Variants in RPS6KA2 observed in about 807,000 individuals in gnomAD.
RPS6KA2 encodes ribosomal protein S6 kinase alpha-2.
A neutral mutation model predicts 91.8 loss-of-function variants in RPS6KA2; 42 were observed. The ratio of observed to expected loss-of-function variants is 0.46; its 90% CI spans 0.36 to 0.59. The LOEUF is 0.59. Ranked by LOEUF, RPS6KA2 falls within the 20% of genes least tolerant of loss-of-function variation. The pLI is 0.00. For missense variants in RPS6KA2, 798 were observed against 978.5 expected, an observed-to-expected ratio of 0.82 and a Z score of 2.46; for synonymous variants, 414 against 393.6, an observed-to-expected ratio of 1.05 and a Z score of -0.61.
chr6:166,716,326 G>C (rs1282859144), intron 2 of RPS6KA2, among the ~76,000 whole-genome samples: 1 of 152,094 alleles, frequency 6.6e-6, no homozygotes, highest in Non-Finnish European at 1.5e-5. Context: ...AAACAAATAG[G>C]ACGATGATTT....
intron 2 of RPS6KA2, among the ~76,000 whole-genome samples, chr6:166,775,798 G>A (rs941043759): frequency 4.6e-5 from 7 of 152,244 alleles, no homozygotes; most frequent in Non-Finnish European, 8.8e-5. Context: ...CCACATGCCT[G>A]AGCTCTGGGA....
At chr6:166,765,301 G>C in intron 2 of RPS6KA2, among the ~76,000 whole-genome samples, 1 of 152,264 alleles carries the variant, frequency 6.6e-6, no homozygotes, top group Middle Eastern at 3.4e-3. Context: ...CAGCAGGTGC[G>C]TCCAGCACAC....
At chr6:166,583,587 C>T (rs1445920411) in intron 1 of RPS6KA2, among the ~76,000 whole-genome samples, 3 of 152,302 alleles carry the variant, frequency 2.0e-5, no homozygotes, top group Middle Eastern at 3.4e-3. Flanking sequence ...AAAGGAGAGA[C>T]GCTCCTGATA....
intron 1 of RPS6KA2, among the ~76,000 whole-genome samples, chr6:166,601,310 C>G (rs1785721584): frequency 1.3e-5 from 2 of 152,230 alleles, no homozygotes; most frequent in Non-Finnish European, 2.9e-5. Context: ...ATCGACATAG[C>G]ACTCCATTGG....
At chr6:166,521,237 G>C (rs1263284630) in intron 3 of RPS6KA2, among the ~76,000 whole-genome samples, 1 of 152,242 alleles carries the variant, frequency 6.6e-6, no homozygotes, top group Non-Finnish European at 1.5e-5. Flanking sequence ...CAGAACCACT[G>C]TAGGGCCATC....
chr6:166,774,903 G>A (rs1282474252), intron 2 of RPS6KA2, among the ~76,000 whole-genome samples: 4 of 150,102 alleles, frequency 2.7e-5, no homozygotes, highest in Non-Finnish European at 5.9e-5. Flanking sequence ...TGCTTCAATA[G>A]CTCTGAGCTG....
chr6:166,469,743 G>T, intron 11 of RPS6KA2, 98 bp downstream of exon 11: 2 of 1,095,930 alleles, frequency 1.8e-6, no homozygotes, highest in South Asian at 2.5e-5. Flanking sequence ...ACCTACTTGT[G>T]ACCCGGACAC....
chr6:166,723,703 TC>T (rs1473352204), intron 2 of RPS6KA2, among the ~76,000 whole-genome samples: 2 of 149,320 alleles, frequency 1.3e-5, no homozygotes, highest in African/African-American at 5.1e-5. Flanking sequence ...TCTTTTCTTT[TC>T]TTTTTTTTTT....
intron 1 of RPS6KA2, among the ~76,000 whole-genome samples, chr6:166,621,487 G>A (rs1447202050): frequency 6.6e-6 from 1 of 152,180 alleles, no homozygotes. Context: ...CAGCCTATTT[G>A]TTGATAATTT....
intron 2 of RPS6KA2, among the ~76,000 whole-genome samples, chr6:166,647,879 GAC>G (rs3071065): frequency 0.02 from 1,301 of 66,100 alleles, 31 homozygotes; most frequent in African/African-American, 0.061. Context: ...TGCACATGCT[GAC>G]ACACATACAT....
chr6:166,769,840 G>T (rs761006932), intron 2 of RPS6KA2, among the ~76,000 whole-genome samples: 43 of 152,212 alleles, frequency 2.8e-4, no homozygotes, highest in Non-Finnish European at 5.3e-4. Flanking sequence ...GCATCCTTGT[G>T]CAGTGCCCTC....
intron 2 of RPS6KA2, among the ~76,000 whole-genome samples, chr6:166,782,467 C>T (rs1379793421): frequency 6.6e-6 from 1 of 152,062 alleles, no homozygotes; most frequent in Non-Finnish European, 1.5e-5. Context: ...GGAGACACAC[C>T]CATGCACCAG....
At chr6:166,582,782 T>C (rs1411267367) in intron 1 of RPS6KA2, among the ~76,000 whole-genome samples, 1 of 152,196 alleles carries the variant, frequency 6.6e-6, no homozygotes, top group Non-Finnish European at 1.5e-5. Context: ...TATGTAAGAA[T>C]TGCTATTATG....
intron 3 of RPS6KA2, among the ~76,000 whole-genome samples, chr6:166,527,117 G>T (rs3799652): frequency 2.5e-4 from 38 of 152,186 alleles, no homozygotes; most frequent in Admixed American, 2.4e-3. Context: ...CAGCCCTGAG[G>T]GAGTCCAGGC....
intron 2 of RPS6KA2, among the ~76,000 whole-genome samples, chr6:166,680,605 G>A (rs1788769591): frequency 6.6e-6 from 1 of 152,136 alleles, no homozygotes; most frequent in South Asian, 2.1e-4. Context: ...CGCCAGGAGG[G>A]ACGAACAACT....
intron 2 of RPS6KA2, among the ~76,000 whole-genome samples, chr6:166,761,319 A>C (rs1215093368): frequency 6.6e-6 from 1 of 152,252 alleles, no homozygotes; most frequent in African/African-American, 2.4e-5. Context: ...TGCTGGGATT[A>C]CAGGCATGAG....
At chr6:166,447,520 C>G (rs1325118333) in intron 14 of RPS6KA2, among the ~76,000 whole-genome samples, 1 of 152,266 alleles carries the variant, frequency 6.6e-6, no homozygotes, top group African/African-American at 2.4e-5. Context: ...GACAGCAAAG[C>G]GTTTTCCCAG....
At chr6:166,451,080 C>G (rs747717165) in intron 13 of RPS6KA2, 23 bp downstream of exon 13, 1 of 1,613,616 alleles carries the variant, frequency 6.2e-7, no homozygotes, top group Non-Finnish European at 8.5e-7. Flanking sequence ...TACCCCCAAC[C>G]CACTGCAGGC....
intron 1 of RPS6KA2, among the ~76,000 whole-genome samples, chr6:166,560,309 A>G (rs2128505257): frequency 6.6e-6 from 1 of 152,390 alleles, no homozygotes. Flanking sequence ...TTTTTATTTC[A>G]AAGAACAACT....
Sources: gnomAD v4.1 joint callset for allele counts (sites outside exome capture counted in the v4.1 genomes callset) on GRCh38, gnomAD v4.1.1 for gene constraint, MANE v1.5 for transcripts, NCBI Gene and HGNC (gene_info 2026-07-23, HGNC 2026-07-21) for gene names.